Variants in SMYD4 observed in about 807,000 individuals in gnomAD.
The protein encoded by SMYD4 is protein-lysine N-methyltransferase SMYD4.
SMYD4 carries 68 observed loss-of-function variants against 72.8 expected under a neutral mutation model. The ratio of observed to expected loss-of-function variants is 0.93; its 90% CI spans 0.77 to 1.14. The LOEUF (loss-of-function observed/expected upper bound fraction) is 1.14, where lower values mean the gene tolerates loss of function less well. Ranked by LOEUF, SMYD4 falls within the 50% of genes most tolerant of loss-of-function variation. The pLI, the probability that SMYD4 is intolerant of heterozygous loss-of-function variation, is 0.00. For synonymous variants in SMYD4, 407 were observed against 388.6 expected, an observed-to-expected ratio of 1.05 and a Z score of -0.56; for missense variants, 984 against 1,003.7, an observed-to-expected ratio of 0.98 and a Z score of 0.27.
At chr17:1,825,344 C>T (rs1328445838) in intron 2 of SMYD4, among the ~76,000 whole-genome samples, 1 of 151,956 alleles carries the variant, frequency 6.6e-6, no homozygotes, top group African/African-American at 2.4e-5. Context: ...TCAGTTATAC[C>T]TCAATAAAGA....
chr17:1,806,408 T>G (rs1028849163), intron 3 of SMYD4, among the ~76,000 whole-genome samples: 7 of 152,084 alleles, frequency 4.6e-5, no homozygotes, highest in African/African-American at 1.7e-4. Flanking sequence ...TATCTGCAAT[T>G]TATACTATAG....
At chr17:1,795,587 C>T (rs1909360551) in intron 5 of SMYD4, among the ~76,000 whole-genome samples, 1 of 152,050 alleles carries the variant, frequency 6.6e-6, no homozygotes, top group African/African-American at 2.4e-5. Flanking sequence ...GGATTACAGG[C>T]ACCTGCCATC....
At chr17:1,809,988 T>C in intron 3 of SMYD4, among the ~76,000 whole-genome samples, 1 of 151,848 alleles carries the variant, frequency 6.6e-6, no homozygotes, top group East Asian at 1.9e-4. Context: ...ACAGATGGGG[T>C]CTTGCTATGT....
chr17:1,822,407 A>G (rs867298941), intron 2 of SMYD4, among the ~76,000 whole-genome samples: 2 of 152,304 alleles, frequency 1.3e-5, no homozygotes, highest in Middle Eastern at 3.4e-3. Flanking sequence ...TTCTGATAAA[A>G]AATTAAACTA....
chr17:1,805,379 T>A (rs1239769406), intron 3 of SMYD4, among the ~76,000 whole-genome samples: 1 of 152,076 alleles, frequency 6.6e-6, no homozygotes, highest in Non-Finnish European at 1.5e-5. Flanking sequence ...GCTGAGATAG[T>A]GCCTGAGTGA....
At chr17:1,785,769 AAAAAAAG>A (rs1443435947) in intron 7 of SMYD4, among the ~76,000 whole-genome samples, 2,008 of 16,794 alleles carry the variant, frequency 0.12, 57 homozygotes, top group African/African-American at 0.28. Flanking sequence ...ATCTCAAAAA[AAAAAAAG>A]AAAAAAAAAA....
chr17:1,828,737 C>T (rs1000422075), intron 1 of SMYD4, among the ~76,000 whole-genome samples: 1 of 151,856 alleles, frequency 6.6e-6, no homozygotes, highest in African/African-American at 2.4e-5. Context: ...GCTGGGATTA[C>T]AGATGCGCGC....
At chr17:1,807,772 C>T (rs1036689249) in intron 3 of SMYD4, among the ~76,000 whole-genome samples, 5 of 152,098 alleles carry the variant, frequency 3.3e-5, no homozygotes, top group African/African-American at 1.2e-4. Flanking sequence ...TGTAAAAACA[C>T]GGTGTGTGTG....
chr17:1,803,555 G>A (rs759230345), intron 4 of SMYD4, among the ~76,000 whole-genome samples: 5 of 152,096 alleles, frequency 3.3e-5, no homozygotes, highest in African/African-American at 1.2e-4. Context: ...GCAGTGGCAC[G>A]ATCTCAGCTC....
chr17:1,820,450 G>T (rs1910831414), intron 2 of SMYD4, among the ~76,000 whole-genome samples: 2 of 152,096 alleles, frequency 1.3e-5, no homozygotes, highest in South Asian at 4.2e-4. Flanking sequence ...ATGTTGCCCA[G>T]GCTGGTCTCA....
chr17:1,825,250 A>G (rs1467335998), intron 2 of SMYD4, among the ~76,000 whole-genome samples: 1 of 152,232 alleles, frequency 6.6e-6, no homozygotes, highest in Non-Finnish European at 1.5e-5. Context: ...AAGTGAGAAT[A>G]TTCCTTCACA....
At chr17:1,790,207 C>T (rs1373626467) in intron 5 of SMYD4, among the ~76,000 whole-genome samples, 1 of 152,194 alleles carries the variant, frequency 6.6e-6, no homozygotes, top group African/African-American at 2.4e-5. Flanking sequence ...AAAGAATGAT[C>T]ACACTACAGT....
chr17:1,794,503 T>A (rs927003262), intron 5 of SMYD4, among the ~76,000 whole-genome samples: 7 of 88,600 alleles, frequency 7.9e-5, no homozygotes, highest in African/African-American at 2.8e-4. Flanking sequence ...ATTACCTAAA[T>A]TTGACATTCT....
intron 2 of SMYD4, among the ~76,000 whole-genome samples, chr17:1,824,948 C>T (rs1911090559): frequency 6.6e-6 from 1 of 152,094 alleles, no homozygotes; most frequent in South Asian, 2.1e-4. Context: ...TTATAAGGGG[C>T]TTTCCCCCTT....
intron 3 of SMYD4, among the ~76,000 whole-genome samples, chr17:1,805,705 G>A (rs7212849): frequency 0.18 from 27,581 of 151,498 alleles, 4,061 homozygotes; most frequent in African/African-American, 0.4. Flanking sequence ...CCAGTTACTC[G>A]GGTGGGTGAG....
intron 4 of SMYD4, among the ~76,000 whole-genome samples, chr17:1,801,773 G>A (rs372503522): frequency 6.6e-6 from 1 of 151,024 alleles, no homozygotes; most frequent in Admixed American, 6.6e-5. Context: ...TCAGGTGATC[G>A]AGACCATCCT....
At chr17:1,781,619 G>C in intron 10 of SMYD4, 180 bp from the exon 11 acceptor site, 1 of 530,140 alleles carries the variant, frequency 1.9e-6, no homozygotes, top group Non-Finnish European at 3.1e-6. Context: ...TGAGAAAACA[G>C]TTATAAAAGA....
chr17:1,794,105 A>ATATAT (rs1291818005), intron 5 of SMYD4, among the ~76,000 whole-genome samples: 535 of 13,050 alleles, frequency 0.041, 109 homozygotes, highest in Middle Eastern at 0.1. Flanking sequence ...ATATATATAT[A>ATATAT]TTTTTTTTTT....
At chr17:1,820,962 CTTTGAGCTAA>C (rs1910855721) in intron 2 of SMYD4, among the ~76,000 whole-genome samples, 1 of 152,134 alleles carries the variant, frequency 6.6e-6, no homozygotes, top group African/African-American at 2.4e-5. Flanking sequence ...ACAAATAGCT[CTTTGAGCTAA>C]CTTGTTTTTA....
Sources: gnomAD v4.1 joint callset for allele counts (sites outside exome capture counted in the v4.1 genomes callset) on GRCh38, gnomAD v4.1.1 for gene constraint, MANE v1.5 for transcripts, NCBI Gene and HGNC (gene_info 2026-07-23, HGNC 2026-07-21) for gene names.